Variants in IGSF10 observed in about 807,000 individuals in gnomAD.
The protein encoded by IGSF10 is immunoglobulin superfamily member 10.
IGSF10 carries 126 observed loss-of-function variants against 128.2 expected under a neutral mutation model. That is an observed-to-expected ratio of 0.98 (90% CI 0.85 to 1.14). The LOEUF (loss-of-function observed/expected upper bound fraction) is 1.14, where lower values mean the gene tolerates loss of function less well. Ranked by LOEUF, IGSF10 falls within the 50% of genes most tolerant of loss-of-function variation. The probability of loss-of-function intolerance (pLI) is 0.00; values close to 1 mark genes in which losing one functional copy is unlikely to be tolerated. For missense variants in IGSF10, 3,295 were observed against 3,149.8 expected (o/e 1.05, Z -1.10); for synonymous variants, 1,185 against 1,146.2 (o/e 1.03, Z -0.68).
the IGSF10 span, among the ~76,000 whole-genome samples, chr3:151,534,850 T>C: frequency 6.6e-6 from 1 of 150,470 alleles, no homozygotes; most frequent in Non-Finnish European, 1.5e-5. Context: ...TGGGCAGGGT[T>C]ATAGGAATCT....
the IGSF10 span, among the ~76,000 whole-genome samples, chr3:151,484,638 C>T: frequency 6.6e-6 from 1 of 151,404 alleles, no homozygotes; most frequent in East Asian, 1.9e-4. Context: ...GCAGCCTCTG[C>T]CAGTGATACC....
At chr3:151,552,103 T>C in the IGSF10 span, among the ~76,000 whole-genome samples, 1 of 152,096 alleles carries the variant, frequency 6.6e-6, no homozygotes, top group Non-Finnish European at 1.5e-5. Flanking sequence ...GTTCTTGTGA[T>C]AGTCAGTTCT....
intron 4 of IGSF10, among the ~76,000 whole-genome samples, chr3:151,454,614 G>C (rs1721688365): frequency 6.6e-6 from 1 of 151,430 alleles, no homozygotes; most frequent in Non-Finnish European, 1.5e-5. Context: ...AGTATTTCAA[G>C]TAAATTTAAG....
At chr3:151,613,015 C>A in the IGSF10 span, among the ~76,000 whole-genome samples, 2 of 152,096 alleles carry the variant, frequency 1.3e-5, no homozygotes, top group African/African-American at 4.8e-5. Flanking sequence ...AATCAATGTA[C>A]AAAAATCACA....
rs1209227723 is a variant in IGSF10 at position 151,447,553 on chromosome 3, C to T, written c.2428G>A (p.Ala810Thr). 4 of 1,614,078 alleles carry T rather than the reference C, an allele frequency of 2.5e-6. No individual in the cohort carries two copies. The highest frequency in any genetic ancestry group is 4.5e-5 in the East Asian group (2 of 44,876). ...LALHEEFMVP[A>T]TKALNLPART... ...GCTGGAAGGTTCAAAGCTTTAGTGG[C>T]CGGGACCATAAATTCCTCATGTAGA... Residue 810 changes from alanine (A) to threonine (T), a missense_variant, in exon 6 of 8, where the codon GCC (alanine) becomes ACC (threonine). Ala to Thr is a moderately conservative substitution (Grantham distance 58, BLOSUM62 0). Transcript: ENST00000282466.
At chr3:151,459,984 T>C (rs1344320376) in intron 2 of IGSF10, among the ~76,000 whole-genome samples, 1 of 152,222 alleles carries the variant, frequency 6.6e-6, no homozygotes, top group Admixed American at 6.5e-5. Flanking sequence ...ATAGGATTAA[T>C]CATATGACCA....
At chr3:151,522,266 A>G in the IGSF10 span, among the ~76,000 whole-genome samples, 6 of 152,260 alleles carry the variant, frequency 3.9e-5, 1 homozygote, top group Admixed American at 3.3e-4. Context: ...TGCCAGATGT[A>G]CAAAGAGCTG....
the IGSF10 span, among the ~76,000 whole-genome samples, chr3:151,619,055 A>G: frequency 6.6e-6 from 1 of 151,684 alleles, no homozygotes; most frequent in Non-Finnish European, 1.5e-5. Flanking sequence ...GAATAGTTAC[A>G]TAAAATGAAG....
rs987614050 is a variant in IGSF10 at position 151,448,795 on chromosome 3, C to G, written c.1186G>C (p.Glu396Gln). The change falls in exon 6 of 8, where the codon GAA becomes CAA. Residue 396 changes from glutamate to glutamine, a missense_variant. Physicochemically the swap from Glu to Gln is conservative, Grantham distance 29. Transcript: ENST00000282466. The part of the protein sequence containing the change: ...LILERSHLLS[E>Q]TPQLYYKYKQ... Reference sequence around the variant, plus strand: ...TATTTGTAATAGAGCTGCGGTGTTTCACTAAGCAAGTGGCTCCTTTCTAGT... The same window carrying G: ...TATTTGTAATAGAGCTGCGGTGTTTGACTAAGCAAGTGGCTCCTTTCTAGT... 3 of 1,613,606 alleles carry G rather than the reference C, an allele frequency of 1.9e-6. No individual in the cohort carries two copies. Among genetic ancestry groups the G allele is most frequent in the Non-Finnish European group, 2.5e-6 (3 of 1,179,522 alleles).
chr3:151,479,995 T>C, the IGSF10 span, among the ~76,000 whole-genome samples: 1 of 152,094 alleles, frequency 6.6e-6, no homozygotes, highest in Non-Finnish European at 1.5e-5. Flanking sequence ...CTTTTTTTTT[T>C]ATCACACACA....
rs779729629 is a variant in IGSF10, at chr3:151,448,757, A to G, written c.1224T>C (p.Ala408=). The change falls in exon 6 of 8, where the codon GCT becomes GCC. Residue 408 remains alanine (A), a synonymous_variant. Transcript: ENST00000282466. ...TGGTAAAAATGTCTTCAGGCTTAGG[A>G]GCCACCTGTTTATATTTGTAATAGA... ...PQLYYKYKQV[A]PKPEDIFTNI... The G allele has an allele frequency of 1.2e-6, 2 of 1,613,684 alleles. No homozygotes were observed. Among genetic ancestry groups the G allele is most frequent in the Non-Finnish European group, 1.7e-6 (2 of 1,179,620 alleles).
In IGSF10 at chr3:151,438,353, T is replaced by C. The variant is rs775309595; in HGVS notation, c.6208A>G (p.Ile2070Val). The change falls in exon 8 of 8, where the codon ATA becomes GTA. Residue 2070 changes from isoleucine to valine, a missense_variant. Transcript: ENST00000282466. ...GTTCCATCAGGCAAACTCCAAGATA[T>C]CTCTGGCACTGGGGAGCCGGAAGCT... The part of the protein sequence containing the change: ...CKASGSPVPE[I>V]SWSLPDGTMI... 5 of 1,614,066 alleles carry C rather than the reference T, an allele frequency of 3.1e-6. No individual in the cohort carries two copies. Among genetic ancestry groups the C allele is most frequent in the African/African-American group, 1.3e-5 (1 of 74,916 alleles).
At chr3:151,502,587 T>G in the IGSF10 span, among the ~76,000 whole-genome samples, 1 of 152,014 alleles carries the variant, frequency 6.6e-6, no homozygotes, top group Non-Finnish European at 1.5e-5. Flanking sequence ...TTCGATCTGT[T>G]TTTATAATGG....
the IGSF10 span, among the ~76,000 whole-genome samples, chr3:151,511,236 G>A: frequency 6.6e-6 from 1 of 152,168 alleles, no homozygotes; most frequent in Admixed American, 6.5e-5. Flanking sequence ...TACCCACAAA[G>A]GGAAGCCCAT....
chr3:151,565,176 CA>C, the IGSF10 span, among the ~76,000 whole-genome samples: 1 of 152,118 alleles, frequency 6.6e-6, no homozygotes, highest in Non-Finnish European at 1.5e-5. Context: ...GATGGTTTGA[CA>C]ATTGCTGTGT....
the IGSF10 span, among the ~76,000 whole-genome samples, chr3:151,542,039 G>A: frequency 6.6e-6 from 1 of 151,952 alleles, no homozygotes; most frequent in South Asian, 2.1e-4. Flanking sequence ...TCTCATTCAC[G>A]CTTAAAAATT....
rs746307466 is a variant in IGSF10, at chr3:151,437,573, C to T, written c.6988G>A (p.Val2330Ile). Residue 2330 changes from valine (V) to isoleucine (I), a missense_variant, in exon 8 of 8, where the codon GTA becomes ATA. By Grantham distance (29) the Val-to-Ile change is conservative. Transcript: ENST00000282466. ...GTCGGTCTTCTCAGCATTTCCAGTA[C>T]TTCTAACTGTACTACCAACACGCTC... ...GESVLVVQLE[V>I]LEMLRRPTFR... is the part of the protein sequence containing the mutation. The T allele has an allele frequency of 1.2e-6, 2 of 1,614,174 alleles. No homozygotes were observed. Among genetic ancestry groups the T allele is most frequent in the South Asian group, 1.1e-5 (1 of 91,084 alleles).
chr3:151,530,972 C>T, the IGSF10 span, among the ~76,000 whole-genome samples: 6 of 151,822 alleles, frequency 4.0e-5, no homozygotes, highest in Non-Finnish European at 7.4e-5. Flanking sequence ...CACATAGGCT[C>T]AAAATAAAGA....
In IGSF10 at chr3:151,447,521, T is replaced by A. The variant is rs777347452; in HGVS notation, c.2460A>T (p.Thr820=). 2.5e-6 allele frequency: 4 copies of A among 1,614,164 alleles called. No homozygotes were observed. In the South Asian group the frequency reaches 4.4e-5, roughly 18 times the overall value. ...ATATTGTTCTGGAGTCAGCAGTCAC[T>A]GTCCTTGCTGGAAGGTTCAAAGCTT... The part of the protein sequence containing the change: ...ATKALNLPAR[T]VTADSRTISD... The change falls in exon 6 of 8, where the codon ACA becomes ACT. Residue 820 remains threonine (T), a synonymous_variant. Coordinates refer to ENST00000282466, the MANE Select transcript of IGSF10 (RefSeq NM_178822.5).
Sources: allele counts gnomAD v4.1 joint callset (sites outside exome capture counted in the v4.1 genomes callset), GRCh38; gene constraint gnomAD v4.1.1; transcripts MANE v1.5; gene names NCBI Gene and HGNC (gene_info 2026-07-23, HGNC 2026-07-21).